Variants in NRXN2 observed in about 807,000 individuals in gnomAD.
NRXN2 encodes neurexin-2-beta.
A neutral mutation model predicts 128.8 loss-of-function variants in NRXN2; 29 were observed. That is an observed-to-expected ratio of 0.23 (90% CI 0.17 to 0.31). NRXN2 has a LOEUF of 0.31. NRXN2 is among the 10% of genes least tolerant of loss of function. The pLI, the probability that NRXN2 is intolerant of heterozygous loss-of-function variation, is 1.00. For synonymous variants in NRXN2, 1,098 were observed against 1,075.2 expected (o/e 1.02, Z -0.41); for missense variants, 1,881 against 2,452.6 (o/e 0.77, Z 4.92).
At chr11:64,665,401 A>G (rs490348) in intron 9 of NRXN2, among the ~76,000 whole-genome samples, 15 of 152,340 alleles carry the variant, frequency 9.8e-5, no homozygotes, top group African/African-American at 3.1e-4. Flanking sequence ...TGTTGAGCTA[A>G]CAGGAGCACT....
intron 2 of NRXN2, among the ~76,000 whole-genome samples, chr11:64,708,835 T>G (rs909617480): frequency 6.6e-6 from 1 of 152,184 alleles, no homozygotes; most frequent in African/African-American, 2.4e-5. Context: ...TCATTTATAC[T>G]CACACTAAAC....
chr11:64,614,267 A>G (rs1255571228), intron 22 of NRXN2, among the ~76,000 whole-genome samples: 2 of 152,196 alleles, frequency 1.3e-5, no homozygotes, highest in African/African-American at 2.4e-5. Context: ...CCTCCCACCT[A>G]TTGTTTCAAA....
chr11:64,636,239 C>T (rs991183430), intron 17 of NRXN2, among the ~76,000 whole-genome samples: 47 of 152,126 alleles, frequency 3.1e-4, no homozygotes, highest in Middle Eastern at 3.4e-3. Flanking sequence ...TGAAGGCTCC[C>T]TCTCCCAGCC....
intron 2 of NRXN2, among the ~76,000 whole-genome samples, chr11:64,704,598 T>TCA (rs1200286244): frequency 0.046 from 4,537 of 97,710 alleles, 408 homozygotes; most frequent in Admixed American, 0.12. Context: ...ATTTCCAGGT[T>TCA]CACACACACA....
chr11:64,707,831 C>T (rs997986855), intron 2 of NRXN2, among the ~76,000 whole-genome samples: 1 of 152,172 alleles, frequency 6.6e-6, no homozygotes, highest in African/African-American at 2.4e-5. Context: ...TGGTGGCTTA[C>T]ACCTGTAATC....
In NRXN2 at chr11:64,635,181, C is replaced by T. The variant is rs534672036; in HGVS notation, c.3585+90G>A. 4 of 1,445,698 alleles carry T rather than the reference C, an allele frequency of 2.8e-6. No individual in the cohort carries two copies. The East Asian group carries it at 6.8e-5, about 25-fold the overall frequency. The allele number at this position is 1,445,698 out of a possible 1,614,324, so 89.6% of individuals were successfully genotyped here. A position where few individuals can be genotyped will look rare whatever the true frequency, so the allele number is the denominator to read the frequency against. On this transcript the variant is annotated intron_variant, in intron 18 of 22. Transcript: ENST00000265459. This position sits in a 1 kb window ranked among gnomAD's most constrained non-coding sequence, Gnocchi z 4.8. ...TCTGAGGGTTCCCCATGAGGGAAGA[C>T]TTGAGGTGCTGATCCCATGGCAATG...
At chr11:64,686,575 AG>A (rs1465861461) in intron 5 of NRXN2, among the ~76,000 whole-genome samples, 1 of 152,250 alleles carries the variant, frequency 6.6e-6, no homozygotes, top group Non-Finnish European at 1.5e-5. Context: ...TGCAGGTGAC[AG>A]GGATATGCAC....
chr11:64,701,545 C>G (rs533644024), intron 2 of NRXN2, among the ~76,000 whole-genome samples: 1 of 152,202 alleles, frequency 6.6e-6, no homozygotes, highest in Non-Finnish European at 1.5e-5. Context: ...TTGAGACCAG[C>G]CTGGGCAACA....
chr11:64,611,244 C>A (rs2135270296), intron 22 of NRXN2, among the ~76,000 whole-genome samples: 1 of 152,322 alleles, frequency 6.6e-6, no homozygotes, highest in South Asian at 2.1e-4. Flanking sequence ...CAGGCCAGAG[C>A]AGCTGAGTTC....
rs1330914111 is a variant in NRXN2 at position 64,651,219 on chromosome 11, A to G, written c.2918+36T>C. On this transcript the variant is annotated intron_variant, in intron 14 of 22. Coordinates refer to ENST00000265459, the MANE Select transcript of NRXN2 (RefSeq NM_015080.4). The surrounding 1 kb of genome is among the most constrained non-coding windows in gnomAD (Gnocchi z 5.9). ...TGTGGTTCAGCAGGGGGAGGGGGCC[A>G]CCTCCTTGACAGCAGTGCAATCCCC... 1.2e-6 allele frequency: 2 copies of G among 1,612,770 alleles called. No individual in the cohort carries two copies. Among genetic ancestry groups the G allele is most frequent in the Non-Finnish European group, 1.7e-6 (2 of 1,179,852 alleles).
intron 22 of NRXN2, among the ~76,000 whole-genome samples, chr11:64,609,424 A>T (rs750360716): frequency 2.4e-4 from 36 of 152,200 alleles, no homozygotes; most frequent in Non-Finnish European, 4.9e-4. Context: ...CCTGCTAAAT[A>T]GGGCCCATGG....
chr11:64,652,265 G>A, intron 12 of NRXN2, 111 bp from the exon 13 acceptor site: 1 of 1,371,192 alleles, frequency 7.3e-7, no homozygotes, highest in South Asian at 1.3e-5. Flanking sequence ...TGCCACACAT[G>A]AACACATACA....
intron 17 of NRXN2, among the ~76,000 whole-genome samples, chr11:64,644,769 G>A (rs2135429674): frequency 6.6e-6 from 1 of 152,106 alleles, no homozygotes; most frequent in South Asian, 2.1e-4. Context: ...GAAAGGACAG[G>A]AGGCAGGGGC....
At chr11:64,711,699 T>C (rs1360355775) in intron 2 of NRXN2, among the ~76,000 whole-genome samples, 1 of 151,786 alleles carries the variant, frequency 6.6e-6, no homozygotes, top group African/African-American at 2.4e-5. Flanking sequence ...AGCCCAGCAA[T>C]CTCCCATCAA....
At chr11:64,701,547 T>A (rs1250312273) in intron 2 of NRXN2, among the ~76,000 whole-genome samples, 1 of 152,120 alleles carries the variant, frequency 6.6e-6, no homozygotes, top group Non-Finnish European at 1.5e-5. Context: ...GAGACCAGCC[T>A]GGGCAACATA....
Position 64,650,422 on chromosome 11 carries a change from G to A in NRXN2, c.3109+26C>T, listed in dbSNP as rs770934491. ...TGAGGGGTATCTGGGCTAGGGCCAG[G>A]CCTTCTCCAGAGGCCCCAGCCCCAC... On this transcript the variant is annotated intron_variant, in intron 15 of 22. Transcript: ENST00000265459. 1.9e-6 allele frequency: 3 copies of A among 1,612,666 alleles called. No individual in the cohort carries two copies. In the African/African-American group the frequency reaches 4.0e-5, roughly 22 times the overall value.
chr11:64,673,769 T>C (rs1330684033), intron 7 of NRXN2, among the ~76,000 whole-genome samples: 1 of 152,172 alleles, frequency 6.6e-6, no homozygotes, highest in Non-Finnish European at 1.5e-5. Context: ...TGGGGCACGA[T>C]GGCTCATGCC....
intron 21 of NRXN2, among the ~76,000 whole-genome samples, chr11:64,621,069 CG>C (rs2042273908): frequency 6.6e-6 from 1 of 151,958 alleles, no homozygotes; most frequent in Non-Finnish European, 1.5e-5. Flanking sequence ...CGAGAAACTG[CG>C]GGAAGGTGAG....
At chr11:64,717,565 A>T (rs1032541840) in intron 1 of NRXN2, among the ~76,000 whole-genome samples, 1 of 152,174 alleles carries the variant, frequency 6.6e-6, no homozygotes, top group Non-Finnish European at 1.5e-5. Flanking sequence ...CCCTCTCCCG[A>T]TAACTCAACA....
Sources: allele counts gnomAD v4.1 joint callset (sites outside exome capture counted in the v4.1 genomes callset), GRCh38; gene constraint gnomAD v4.1.1; non-coding constraint Gnocchi (gnomAD v3.1); transcripts MANE v1.5; gene names NCBI Gene and HGNC (gene_info 2026-07-23, HGNC 2026-07-21).